Variants in DLG2 observed in about 807,000 individuals in gnomAD.
DLG2 encodes discs large MAGUK scaffold protein 2, also known as disks large homolog 2.
DLG2 carries 45 observed loss-of-function variants against 132.5 expected under a neutral mutation model. That is an observed-to-expected ratio of 0.34 (90% CI 0.27 to 0.44). DLG2 has a LOEUF of 0.44. Among genes scored for constraint, DLG2 ranks in the 20% least tolerant of loss-of-function variants. DLG2 has a pLI of 1.00. For missense variants in DLG2, 1,045 were observed against 1,196.9 expected (o/e 0.87, Z 1.87); for synonymous variants, 424 against 419.6 (o/e 1.01, Z -0.13).
chr11:84,110,086 A>T (rs2093252782), intron 9 of DLG2, among the ~76,000 whole-genome samples: 1 of 152,142 alleles, frequency 6.6e-6, no homozygotes. Context: ...TCATGCAAGG[A>T]TGTGCTCAAA....
At chr11:84,898,771 G>A (rs970720049) in intron 6 of DLG2, among the ~76,000 whole-genome samples, 2 of 151,790 alleles carry the variant, frequency 1.3e-5, no homozygotes, top group South Asian at 2.1e-4. Context: ...AAACTATCTA[G>A]CTATCTTCCA....
chr11:84,340,825 G>T (rs914821132), intron 7 of DLG2, among the ~76,000 whole-genome samples: 1 of 125,590 alleles, frequency 8.0e-6, no homozygotes, highest in Non-Finnish European at 1.6e-5. Context: ...TGGGGCTAGT[G>T]TTAAAGGGCC....
chr11:83,884,623 A>G (rs1186972627), intron 15 of DLG2, among the ~76,000 whole-genome samples: 1 of 152,216 alleles, frequency 6.6e-6, no homozygotes, highest in Admixed American at 6.5e-5. Context: ...TGGAGATCTG[A>G]GGACGGGCAG....
At chr11:85,472,205 G>C (rs2093005914) in intron 3 of DLG2, among the ~76,000 whole-genome samples, 2 of 152,156 alleles carry the variant, frequency 1.3e-5, no homozygotes, top group African/African-American at 4.8e-5. Context: ...TCCCCATTCT[G>C]AGCCCATAAA....
chr11:84,566,939 C>T (rs1225568259), intron 6 of DLG2, among the ~76,000 whole-genome samples: 1 of 152,098 alleles, frequency 6.6e-6, no homozygotes, highest in African/African-American at 2.4e-5. Context: ...GAGGACAATG[C>T]AAAACACAGC....
At chr11:84,111,421 C>G (rs2093345053) in intron 9 of DLG2, among the ~76,000 whole-genome samples, 1 of 152,184 alleles carries the variant, frequency 6.6e-6, no homozygotes, top group Non-Finnish European at 1.5e-5. Flanking sequence ...GTCTCTCTTT[C>G]TCTAGATCCT....
At chr11:84,143,091 T>C (rs2094924394) in intron 9 of DLG2, among the ~76,000 whole-genome samples, 1 of 152,198 alleles carries the variant, frequency 6.6e-6, no homozygotes, top group South Asian at 2.1e-4. Context: ...TACAGTGTCT[T>C]TGTAGAATTT....
intron 3 of DLG2, among the ~76,000 whole-genome samples, chr11:85,506,535 G>A (rs1433845969): frequency 6.7e-6 from 1 of 149,518 alleles, no homozygotes; most frequent in African/African-American, 2.4e-5. Context: ...TTTTGAGTAA[G>A]TTTCTTAATC....
At chr11:85,100,226 CAT>C (rs1264448204) in intron 6 of DLG2, among the ~76,000 whole-genome samples, 1 of 151,964 alleles carries the variant, frequency 6.6e-6, no homozygotes, top group Non-Finnish European at 1.5e-5. Flanking sequence ...TGAGAGGCAA[CAT>C]AGATTTTAAA....
intron 11 of DLG2, among the ~76,000 whole-genome samples, chr11:84,038,851 G>A (rs530032074): frequency 1.3e-5 from 2 of 152,042 alleles, no homozygotes; most frequent in African/African-American, 4.8e-5. Flanking sequence ...ATGATGTTAG[G>A]AATGAGAAGT....
At chr11:84,373,249 C>CAAAAAAAAAAAAACAAAAAAAAAAAAAA (rs1555532573) in intron 7 of DLG2, among the ~76,000 whole-genome samples, 1 of 41,664 alleles carries the variant, frequency 2.4e-5, no homozygotes, top group African/African-American at 1.3e-4. Flanking sequence ...AAGAAACAGT[C>CAAAAAAAAAAAAACAAAAAAAAAAAAAA]AAAAAAAAAA....
chr11:85,220,607 G>A (rs2152603895), intron 4 of DLG2, among the ~76,000 whole-genome samples: 1 of 149,578 alleles, frequency 6.7e-6, no homozygotes, highest in South Asian at 2.1e-4. Flanking sequence ...GCTCCTAAGA[G>A]ACAAGTTTAT....
At chr11:84,204,467 A>G (rs960551011) in intron 8 of DLG2, among the ~76,000 whole-genome samples, 38 of 152,208 alleles carry the variant, frequency 2.5e-4, no homozygotes, top group African/African-American at 8.9e-4. Context: ...AAAATTTTCA[A>G]TACAGGAAGA....
intron 6 of DLG2, among the ~76,000 whole-genome samples, chr11:84,914,805 TC>T (rs2092349064): frequency 2.0e-5 from 3 of 152,232 alleles, no homozygotes; most frequent in Admixed American, 6.5e-5. Flanking sequence ...CCCAGTCCTT[TC>T]ACATGTAAAA....
chr11:83,652,873 C>G (rs2071036495), intron 18 of DLG2, among the ~76,000 whole-genome samples: 1 of 151,988 alleles, frequency 6.6e-6, no homozygotes, highest in Non-Finnish European at 1.5e-5. Flanking sequence ...GTTTCATATC[C>G]CACCAAGTTG....
At chr11:83,754,382 A>G (rs2093563964) in intron 18 of DLG2, among the ~76,000 whole-genome samples, 1 of 151,260 alleles carries the variant, frequency 6.6e-6, no homozygotes, top group Non-Finnish European at 1.5e-5. Flanking sequence ...AGAATTGCAA[A>G]TAATGAATTT....
intron 4 of DLG2, among the ~76,000 whole-genome samples, chr11:85,193,947 G>T (rs1436566203): frequency 6.6e-6 from 1 of 152,220 alleles, no homozygotes; most frequent in African/African-American, 2.4e-5. Context: ...TAGTGCTGCA[G>T]GCACCCATGT....
chr11:84,433,406 T>C (rs1390059495), intron 7 of DLG2, among the ~76,000 whole-genome samples: 1 of 152,114 alleles, frequency 6.6e-6, no homozygotes, highest in African/African-American at 2.4e-5. Context: ...AATTAAGAGA[T>C]TTAAGTTGAA....
At chr11:85,193,519 A>G (rs754369354) in intron 4 of DLG2, among the ~76,000 whole-genome samples, 2 of 152,158 alleles carry the variant, frequency 1.3e-5, no homozygotes, top group Non-Finnish European at 2.9e-5. Context: ...TAAATTTCCA[A>G]TTTCTATATG....
Sources: gnomAD v4.1 joint callset for allele counts (sites outside exome capture counted in the v4.1 genomes callset) on GRCh38, gnomAD v4.1.1 for gene constraint, MANE v1.5 for transcripts, NCBI Gene and HGNC (gene_info 2026-07-23, HGNC 2026-07-21) for gene names.